KIAA1328: variants seen among roughly 807,000 people sequenced by gnomAD.
KIAA1328 encodes KIAA1328.
In KIAA1328, 52 loss-of-function variants were observed where a neutral mutation model predicts 68.1. The observed-to-expected ratio is 0.76, with a 90% CI of 0.61 to 0.96. The LOEUF (loss-of-function observed/expected upper bound fraction) is 0.96. Among genes scored for constraint, KIAA1328 ranks in the 40% least tolerant of loss-of-function variants. KIAA1328 has a pLI of 0.00. For synonymous variants in KIAA1328, 232 were observed against 239.4 expected, an observed-to-expected ratio of 0.97 and a Z score of 0.28; for missense variants, 641 against 677.6, an observed-to-expected ratio of 0.95 and a Z score of 0.60.
chr18:37,157,676 G>A (rs770338418), intron 7 of KIAA1328, among the ~76,000 whole-genome samples: 13 of 151,736 alleles, frequency 8.6e-5, no homozygotes, highest in Non-Finnish European at 1.3e-4. Flanking sequence ...CGGACATGGT[G>A]GTGTGTGCCT....
At position 37,160,443 on chromosome 18, in the gene KIAA1328, A is replaced by G. The variant is rs1031899473; in HGVS notation, c.1414+62A>G. The G allele has an allele frequency of 9.7e-6, 14 of 1,449,966 alleles. No homozygotes were observed. The African/African-American group carries it at 1.1e-4, about 12-fold the overall frequency. The allele number at this position is 1,449,966 out of a possible 1,614,324, so 89.8% of individuals were successfully genotyped here. A position where few individuals can be genotyped will look rare whatever the true frequency, so the allele number is the denominator to read the frequency against. ...GGTAGGGGAAGGTAGTTGCTAGCCA[A>G]TGAATTTCAGATGATTTCCTACAAT... On this transcript the variant is annotated intron_variant, in intron 8 of 9. Transcript: ENST00000280020.
At chr18:37,060,346 C>A (rs541968986) in intron 6 of KIAA1328, among the ~76,000 whole-genome samples, 39 of 152,204 alleles carry the variant, frequency 2.6e-4, no homozygotes, top group African/African-American at 9.1e-4. Context: ...TTTCACCAAG[C>A]ACTTCACAAA....
rs761563150 is a variant in KIAA1328, at chr18:37,135,316, A to G, written c.1233-24884A>G. On this transcript the variant is annotated intron_variant, in intron 7 of 9. Coordinates refer to ENST00000280020, the MANE Select transcript of KIAA1328 (RefSeq NM_020776.3). ...GGCTGAACTAATTTACATTCACAAT[A>G]GCAGTGTATAAGTGTTCCTTTTTCT... is the stretch of plus-strand genomic sequence containing the variant. 1.1e-3 allele frequency among the ~76,000 whole-genome samples: 166 copies of G among 152,222 alleles called. 1 individual carries two copies. Among genetic ancestry groups the G allele is most frequent in the Non-Finnish European group, 2.6e-4 (18 of 68,042 alleles).
At chr18:37,047,458 AT>A (rs1282951726) in intron 6 of KIAA1328, among the ~76,000 whole-genome samples, 2 of 152,054 alleles carry the variant, frequency 1.3e-5, no homozygotes, top group African/African-American at 4.8e-5. Context: ...CCTTCCTAAA[AT>A]TTTGGCTGCA....
chr18:36,895,202 A>T (rs570039101), intron 5 of KIAA1328, among the ~76,000 whole-genome samples: 1 of 152,284 alleles, frequency 6.6e-6, no homozygotes, highest in South Asian at 2.1e-4. Context: ...TGTGTACTTG[A>T]AACAGTCCTG....
intron 6 of KIAA1328, among the ~76,000 whole-genome samples, chr18:37,019,025 T>C (rs939881635): frequency 6.6e-6 from 1 of 152,218 alleles, no homozygotes; most frequent in Non-Finnish European, 1.5e-5. Context: ...GAATTCATGC[T>C]CTGATTCCTT....
chr18:36,901,176 A>G (rs2049024852), intron 5 of KIAA1328, among the ~76,000 whole-genome samples: 2 of 151,950 alleles, frequency 1.3e-5, no homozygotes, highest in African/African-American at 4.8e-5. Context: ...TTCTTAAAGT[A>G]TTCTCTATAT....
Position 37,081,003 on chromosome 18 carries a change from C to T in KIAA1328, c.1232+13458C>T, listed in dbSNP as rs560349397. 1.2e-3 allele frequency among the ~76,000 whole-genome samples: 177 copies of T among 151,642 alleles called. 3 individuals carry two copies. Among genetic ancestry groups the T allele is most frequent in the African/African-American group, 4.0e-3 (164 of 41,354 alleles). ...ATTGATTGGTTGATTGATTGATTGACGGAGTTTGGCTCTGTCACCCAAGCT... is the reference window on the plus strand; with the variant it reads ...ATTGATTGGTTGATTGATTGATTGATGGAGTTTGGCTCTGTCACCCAAGCT... On this transcript the variant is annotated intron_variant, in intron 7 of 9. Coordinates refer to ENST00000280020, the MANE Select transcript of KIAA1328 (RefSeq NM_020776.3).
chr18:37,122,188 T>A (rs2058288734), intron 7 of KIAA1328, among the ~76,000 whole-genome samples: 1 of 152,044 alleles, frequency 6.6e-6, no homozygotes, highest in Non-Finnish European at 1.5e-5. Context: ...GAAAATTGTG[T>A]CATAAAAGTC....
intron 6 of KIAA1328, among the ~76,000 whole-genome samples, chr18:37,060,844 G>A (rs555546682): frequency 6.6e-6 from 1 of 152,192 alleles, no homozygotes; most frequent in Non-Finnish European, 1.5e-5. Flanking sequence ...CGGGCTGAGC[G>A]CTGTGGCTCA....
chr18:37,011,833 A>C (rs1336112071), intron 6 of KIAA1328, among the ~76,000 whole-genome samples: 1 of 151,998 alleles, frequency 6.6e-6, no homozygotes, highest in Non-Finnish European at 1.5e-5. Context: ...AGCATGGGTA[A>C]TTTTTAGTGT....
At chr18:36,942,535 T>G (rs1568192582) in intron 5 of KIAA1328, among the ~76,000 whole-genome samples, 1 of 152,204 alleles carries the variant, frequency 6.6e-6, no homozygotes. Flanking sequence ...TATGGTAAAT[T>G]ATCATTTTAT....
At chr18:36,903,779 T>C (rs1284455524) in intron 5 of KIAA1328, 1 of 152,158 alleles carries the variant, frequency 6.6e-6, no homozygotes, top group African/African-American at 2.4e-5. Context: ...TGTCATTGAC[T>C]CTCCAGAGGT....
chr18:37,143,025 G>A (rs1405059737), intron 7 of KIAA1328, among the ~76,000 whole-genome samples: 1 of 151,370 alleles, frequency 6.6e-6, no homozygotes, highest in Non-Finnish European at 1.5e-5. Flanking sequence ...CATGATCTTG[G>A]CTTACTGCAA....
intron 9 of KIAA1328, among the ~76,000 whole-genome samples, chr18:37,216,306 C>T (rs560791322): frequency 1.2e-4 from 18 of 152,276 alleles, no homozygotes; most frequent in African/African-American, 4.1e-4. Flanking sequence ...TCCCTCTACA[C>T]ACTGCTTTAA....
At chr18:36,873,248 T>G (rs566186296) in intron 4 of KIAA1328, among the ~76,000 whole-genome samples, 2 of 152,244 alleles carry the variant, frequency 1.3e-5, no homozygotes, top group East Asian at 1.9e-4. Flanking sequence ...TACTTGAAAA[T>G]CTCCTTAAGT....
At chr18:37,007,855 CA>C (rs1417226273) in intron 6 of KIAA1328, among the ~76,000 whole-genome samples, 2 of 152,156 alleles carry the variant, frequency 1.3e-5, no homozygotes, top group Non-Finnish European at 2.9e-5. Context: ...TATAAGTAAA[CA>C]AAAGCAGTCA....
At chr18:37,121,117 G>T (rs2058257198) in intron 7 of KIAA1328, among the ~76,000 whole-genome samples, 1 of 152,096 alleles carries the variant, frequency 6.6e-6, no homozygotes, top group Non-Finnish European at 1.5e-5. Flanking sequence ...AGAGTTTAAA[G>T]AGCCTATAAA....
chr18:37,076,109 AG>A, intron 7 of KIAA1328, among the ~76,000 whole-genome samples: 1 of 152,358 alleles, frequency 6.6e-6, no homozygotes, highest in South Asian at 2.1e-4. Flanking sequence ...CAAATGTAAA[AG>A]ATCAGAAATT....
Sources: allele counts gnomAD v4.1 joint callset (sites outside exome capture counted in the v4.1 genomes callset), GRCh38; gene constraint gnomAD v4.1.1; transcripts MANE v1.5; gene names NCBI Gene and HGNC (gene_info 2026-07-23, HGNC 2026-07-21).